GREB1L: variants seen among roughly 807,000 people sequenced by gnomAD.
GREB1L encodes the protein GREB1 like retinoic acid receptor coactivator, also known as GREB1-like protein.
In GREB1L, 17 loss-of-function variants were observed where a neutral mutation model predicts 200.8. The observed-to-expected ratio is 0.08, with a 90% confidence interval of 0.06 to 0.13. The LOEUF (loss-of-function observed/expected upper bound fraction) is 0.13. GREB1L is among the 10% of genes least tolerant of loss of function. The pLI, the probability that GREB1L is intolerant of heterozygous loss-of-function variation, is 1.00. For missense variants in GREB1L, 1,657 were observed against 2,367.7 expected (o/e 0.70, Z 6.23); for synonymous variants, 789 against 893.0 (o/e 0.88, Z 2.08).
At chr18:21,282,259 G>A (rs1023535881) in intron 1 of GREB1L, among the ~76,000 whole-genome samples, 5 of 152,000 alleles carry the variant, frequency 3.3e-5, no homozygotes, top group Non-Finnish European at 7.4e-5. Context: ...GGGCAACAGA[G>A]CAAGACCCCA....
chr18:21,345,911 G>A (rs1291793935), intron 1 of GREB1L, among the ~76,000 whole-genome samples: 1 of 151,574 alleles, frequency 6.6e-6, no homozygotes, highest in Non-Finnish European at 1.5e-5. Flanking sequence ...GTATTCTGAG[G>A]ATTAAATGAG....
At chr18:21,351,521 C>T (rs112476930) in intron 1 of GREB1L, among the ~76,000 whole-genome samples, 1 of 151,062 alleles carries the variant, frequency 6.6e-6, no homozygotes, top group Non-Finnish European at 1.5e-5. Flanking sequence ...TGCAGTGAGC[C>T]GAGATCGTGC....
chr18:21,436,123 G>C lies in GREB1L; in HGVS notation c.833-3398G>C, dbSNP rs371517173. 5.5e-4 allele frequency among the ~76,000 whole-genome samples: 84 copies of C among 152,246 alleles called. 1 individual carries two copies. The highest frequency in any genetic ancestry group is 2.0e-3 in the African/African-American group (83 of 41,542). ...ATCTGAGACAGGGATACAGAAGGAG[G>C]ATCAGGTTCTCCAGTGGGAGATTGA... On this transcript the variant is annotated intron_variant, in intron 7 of 32. Coordinates refer to ENST00000424526, the MANE Select transcript of GREB1L (RefSeq NM_001142966.3).
intron 1 of GREB1L, among the ~76,000 whole-genome samples, chr18:21,346,046 A>G (rs1428806529): frequency 2.6e-5 from 4 of 152,140 alleles, no homozygotes; most frequent in African/African-American, 9.7e-5. Flanking sequence ...GCACTCAGTA[A>G]ATACTCGTTG....
In GREB1L at chr18:21,395,368, T is replaced by C; in HGVS notation, c.356-17T>C. 1 of 1,541,720 alleles carries C rather than the reference T, an allele frequency of 6.5e-7. No individual in the cohort carries two copies. Among genetic ancestry groups the C allele is most frequent in the South Asian group, 1.2e-5 (1 of 83,318 alleles). The stretch of plus-strand genomic sequence containing the variant: ...CTAAACATTTCACTGTGTCCTTTTT[T>C]TTAAACTGGTTTTTAGGTTTTTGTC... On this transcript the variant is annotated splice_polypyrimidine_tract_variant and intron_variant, in intron 4 of 32. Transcript: ENST00000424526.
intron 1 of GREB1L, among the ~76,000 whole-genome samples, chr18:21,359,714 G>A (rs1484702601): frequency 6.6e-6 from 1 of 152,188 alleles, no homozygotes; most frequent in Non-Finnish European, 1.5e-5. Flanking sequence ...GCACTTAACA[G>A]TCTATTGCAC....
intron 1 of GREB1L, among the ~76,000 whole-genome samples, chr18:21,294,333 C>G (rs1295391599): frequency 6.6e-6 from 1 of 151,970 alleles, no homozygotes; most frequent in Non-Finnish European, 1.5e-5. Flanking sequence ...TGTGATGTAT[C>G]CTCCAATACA....
chr18:21,430,104 C>T (rs1382487575), intron 7 of GREB1L, among the ~76,000 whole-genome samples: 1 of 152,092 alleles, frequency 6.6e-6, no homozygotes, highest in African/African-American at 2.4e-5. Context: ...TCAGATTACG[C>T]CCTTACCCTA....
intron 15 of GREB1L, among the ~76,000 whole-genome samples, chr18:21,465,124 T>C (rs1478570667): frequency 6.6e-6 from 1 of 152,200 alleles, no homozygotes. Flanking sequence ...ATTTAAAATC[T>C]ACTCTCTTAG....
intron 11 of GREB1L, among the ~76,000 whole-genome samples, chr18:21,445,216 C>T (rs1208655342): frequency 2.6e-5 from 4 of 152,208 alleles, no homozygotes; most frequent in Non-Finnish European, 4.4e-5. Flanking sequence ...GGCTCACGCC[C>T]GTGATCCCAA....
At chr18:21,261,711 G>A (rs1280380493) in intron 1 of GREB1L, among the ~76,000 whole-genome samples, 2 of 151,968 alleles carry the variant, frequency 1.3e-5, no homozygotes, top group East Asian at 3.9e-4. Context: ...TTATAAAAAG[G>A]ATTATAAAAT....
At chr18:21,268,411 T>C (rs2038007066) in intron 1 of GREB1L, among the ~76,000 whole-genome samples, 1 of 150,276 alleles carries the variant, frequency 6.7e-6, no homozygotes. Context: ...TTCTTCTTGC[T>C]TGAAGTCCCC....
intron 25 of GREB1L, 58 bp downstream of exon 25, chr18:21,506,007 G>C: frequency 6.7e-7 from 1 of 1,491,638 alleles, no homozygotes; most frequent in Non-Finnish European, 9.0e-7. Context: ...TGTATGTAAG[G>C]GTGGGGGGTG....
In GREB1L at chr18:21,388,640, G is replaced by T. The variant is rs555848385; in HGVS notation, c.355+4237G>T. 4.8e-5 allele frequency among the ~76,000 whole-genome samples: 7 copies of T among 146,788 alleles called. No homozygotes were observed. The South Asian group carries it at 1.5e-3, about 32-fold the overall frequency. ...GCTCACTGCAAGCTCCGCCTCCCGG[G>T]TTCACACCATTCTCCTGCCTCAGCC... On this transcript the variant is annotated intron_variant, in intron 4 of 32. Transcript: ENST00000424526.
intron 1 of GREB1L, among the ~76,000 whole-genome samples, chr18:21,246,851 T>A (rs1158621955): frequency 1.3e-5 from 2 of 152,242 alleles, no homozygotes; most frequent in African/African-American, 2.4e-5. Context: ...GCTGGAATTT[T>A]ACTAGGAATG....
At chr18:21,475,667 A>G (rs1292353287) in intron 16 of GREB1L, among the ~76,000 whole-genome samples, 1 of 151,812 alleles carries the variant, frequency 6.6e-6, no homozygotes, top group Non-Finnish European at 1.5e-5. Flanking sequence ...GGATGAACTT[A>G]TTAATGAAAG....
At chr18:21,282,231 G>A (rs952607490) in intron 1 of GREB1L, among the ~76,000 whole-genome samples, 3 of 152,112 alleles carry the variant, frequency 2.0e-5, no homozygotes, top group African/African-American at 4.8e-5. Context: ...CTGTGATGGA[G>A]CCACTGCATT....
intron 1 of GREB1L, among the ~76,000 whole-genome samples, chr18:21,323,103 G>T (rs796926998): frequency 6.6e-6 from 1 of 152,042 alleles, no homozygotes. Context: ...TGGGCAACAA[G>T]GCAAGACCCC....
intron 1 of GREB1L, among the ~76,000 whole-genome samples, chr18:21,345,679 C>T (rs1195592783): frequency 6.6e-6 from 1 of 151,966 alleles, no homozygotes; most frequent in African/African-American, 2.4e-5. Flanking sequence ...TCAAGACCAG[C>T]CTGGCCAACA....
Sources: gnomAD v4.1 joint callset for allele counts (sites outside exome capture counted in the v4.1 genomes callset) on GRCh38, gnomAD v4.1.1 for gene constraint, MANE v1.5 for transcripts, NCBI Gene and HGNC (gene_info 2026-07-23, HGNC 2026-07-21) for gene names.